The following UIMC1 variants were observed in gnomAD, a reference collection of about 807,000 sequenced individuals.
UIMC1 encodes the protein BRCA1-A complex subunit RAP80.
Under a neutral mutation model 84.9 loss-of-function variants are expected in UIMC1, and 42 were observed. The ratio of observed to expected loss-of-function variants is 0.49; its 90% confidence interval spans 0.39 to 0.64. The LOEUF (loss-of-function observed/expected upper bound fraction) is 0.64. Ranked by LOEUF, UIMC1 falls within the 30% of genes least tolerant of loss-of-function variation. The pLI, the probability that UIMC1 is intolerant of heterozygous loss-of-function variation, is 0.00. For missense variants in UIMC1, 825 were observed against 847.6 expected, an observed-to-expected ratio of 0.97 and a Z score of 0.33; for synonymous variants, 281 against 293.0, an observed-to-expected ratio of 0.96 and a Z score of 0.42.
chr5:176,979,152 A>G (rs1770612977), intron 2 of UIMC1, among the ~76,000 whole-genome samples: 1 of 152,240 alleles, frequency 6.6e-6, no homozygotes, highest in Admixed American at 6.5e-5. Context: ...GATAAAGGTA[A>G]AATTTCAAAT....
chr5:176,920,199 T>C (rs1761534245), intron 10 of UIMC1, among the ~76,000 whole-genome samples: 1 of 152,050 alleles, frequency 6.6e-6, no homozygotes, highest in South Asian at 2.1e-4. Flanking sequence ...TTTTTTTTTT[T>C]GTATTTTTAG....
At chr5:176,979,069 T>C (rs1581622056) in intron 2 of UIMC1, among the ~76,000 whole-genome samples, 1 of 152,074 alleles carries the variant, frequency 6.6e-6, no homozygotes, top group East Asian at 1.9e-4. Context: ...AACTGAACAA[T>C]TATAAAAATA....
Position 177,004,274 on chromosome 5 carries a change from A to C in UIMC1, c.-9+2376T>G, listed in dbSNP as rs915220120. Among the ~76,000 whole-genome samples the C allele has an allele frequency of 3.3e-5, 5 of 152,298 alleles. No individual in the cohort carries two copies. In the South Asian group the frequency reaches 6.2e-4, roughly 19 times the overall value. On this transcript the variant is annotated intron_variant, in intron 1 of 14. Transcript: ENST00000511320. ...TCACAGCAGATGATGGATCAATAAG[A>C]AGCATTAAGTACAGGCTCCCCACAG...
intron 1 of UIMC1, among the ~76,000 whole-genome samples, chr5:177,016,623 A>AGAGGTTGCAGTCAGCC (rs1472795591): frequency 6.6e-6 from 1 of 151,906 alleles, no homozygotes; most frequent in Admixed American, 6.6e-5. Context: ...CCTGGGAGGC[A>AGAGGTTGCAGTCAGCC]GAGGTTGCAG....
At chr5:176,967,250 G>A (rs1228457634) in intron 6 of UIMC1, among the ~76,000 whole-genome samples, 1 of 150,422 alleles carries the variant, frequency 6.6e-6, no homozygotes, top group African/African-American at 2.5e-5. Context: ...ATCTGTAACA[G>A]TAAACTCTGA....
intron 1 of UIMC1, among the ~76,000 whole-genome samples, chr5:177,017,445 T>A (rs1775696364): frequency 6.6e-6 from 1 of 152,150 alleles, no homozygotes; most frequent in African/African-American, 2.4e-5. Context: ...TGGAGTACAG[T>A]GGCGCAATCT....
intron 11 of UIMC1, among the ~76,000 whole-genome samples, chr5:176,911,100 AAGAG>A (rs1054828052): frequency 7.6e-5 from 11 of 144,294 alleles, no homozygotes; most frequent in East Asian, 5.9e-4. Flanking sequence ...AAAAAAAAAA[AAGAG>A]AGAGAGAGAA....
chr5:176,915,421 C>T (rs963246822), intron 10 of UIMC1, among the ~76,000 whole-genome samples: 1 of 151,644 alleles, frequency 6.6e-6, no homozygotes, highest in Non-Finnish European at 1.5e-5. Context: ...AACAACCCTA[C>T]AAAGAATATA....
intron 1 of UIMC1, among the ~76,000 whole-genome samples, chr5:177,005,045 C>T (rs571002732): frequency 2.0e-5 from 3 of 152,034 alleles, no homozygotes; most frequent in Non-Finnish European, 4.4e-5. Flanking sequence ...CAGGCACGCG[C>T]CACCACGCCC....
At chr5:176,999,998 A>T (rs1774210026) in intron 1 of UIMC1, among the ~76,000 whole-genome samples, 1 of 152,032 alleles carries the variant, frequency 6.6e-6, no homozygotes, top group African/African-American at 2.4e-5. Flanking sequence ...TCGCTCTGTC[A>T]CCCAGGCGGG....
chr5:177,020,292 C>T (rs1481859628), intron 1 of UIMC1, among the ~76,000 whole-genome samples: 1 of 152,184 alleles, frequency 6.6e-6, no homozygotes, highest in Non-Finnish European at 1.5e-5. Context: ...TGCATGGCTA[C>T]GCCTTCTCAT....
At chr5:176,920,733 T>C (rs1761603224) in intron 10 of UIMC1, among the ~76,000 whole-genome samples, 1 of 152,154 alleles carries the variant, frequency 6.6e-6, no homozygotes, top group Non-Finnish European at 1.5e-5. Context: ...TCTGATAGAG[T>C]AGTTTACTTC....
intron 1 of UIMC1, among the ~76,000 whole-genome samples, chr5:177,017,826 T>A (rs539249354): frequency 3.2e-4 from 48 of 151,932 alleles, no homozygotes; most frequent in African/African-American, 1.2e-3. Flanking sequence ...CTAATTTTTT[T>A]AATTTTGTAG....
intron 10 of UIMC1, among the ~76,000 whole-genome samples, chr5:176,934,742 A>G (rs1763522575): frequency 6.6e-6 from 1 of 152,240 alleles, no homozygotes; most frequent in South Asian, 2.1e-4. Flanking sequence ...CTACACCGTA[A>G]GTGGACACTT....
At chr5:177,008,569 C>T (rs1477702456), upstream of UIMC1, among the ~76,000 whole-genome samples, 2 of 151,976 alleles carry the variant, frequency 1.3e-5, no homozygotes, top group African/African-American at 2.4e-5. Flanking sequence ...CAAAAAGATC[C>T]TTTTAGGGCA....
chr5:176,908,482 A>G (rs1759695255), intron 12 of UIMC1, 41 bp downstream of exon 12: 1 of 1,579,690 alleles, frequency 6.3e-7, no homozygotes, highest in African/African-American at 1.3e-5. Context: ...ACTGACAACC[A>G]GGAGGGTTAG....
chr5:176,922,150 CTTGT>C (rs1042799767), intron 10 of UIMC1, among the ~76,000 whole-genome samples: 13 of 144,134 alleles, frequency 9.0e-5, no homozygotes, highest in African/African-American at 3.5e-4. Flanking sequence ...CTCTTCTTGC[CTTGT>C]TTTTCTTAAA....
intron 7 of UIMC1, among the ~76,000 whole-genome samples, chr5:176,956,237 C>T (rs1003129019): frequency 2.6e-5 from 4 of 152,224 alleles, no homozygotes; most frequent in African/African-American, 7.2e-5. Context: ...CTTACAACTT[C>T]AGTTCCAGTG....
chr5:176,928,040 C>CA (rs1325381176), intron 10 of UIMC1, among the ~76,000 whole-genome samples: 59 of 152,196 alleles, frequency 3.9e-4, no homozygotes, highest in African/African-American at 1.4e-3. Flanking sequence ...GATAGGGTTT[C>CA]ACCATGTTGG....
Sources: allele counts gnomAD v4.1 joint callset (sites outside exome capture counted in the v4.1 genomes callset), GRCh38; gene constraint gnomAD v4.1.1; transcripts MANE v1.5; gene names NCBI Gene and HGNC (gene_info 2026-07-23, HGNC 2026-07-21).